Variants in GEMIN5 observed in about 807,000 individuals in gnomAD.
GEMIN5 encodes the protein gem nuclear organelle associated protein 5.
Under a neutral mutation model 176.9 loss-of-function variants are expected in GEMIN5, and 124 were observed. The ratio of observed to expected loss-of-function variants is 0.70; its 90% CI spans 0.61 to 0.81. The LOEUF (loss-of-function observed/expected upper bound fraction) is 0.81. Among genes scored for constraint, GEMIN5 ranks in the 40% least tolerant of loss-of-function variants. The probability of loss-of-function intolerance (pLI) is 0.00; values close to 1 mark genes in which losing one functional copy is unlikely to be tolerated. For missense variants in GEMIN5, 1,843 were observed against 1,814.6 expected (o/e 1.02, Z -0.28); for synonymous variants, 673 against 665.2 (o/e 1.01, Z -0.18).
At chr5:154,921,577 G>C in intron 9 of GEMIN5, 152 bp from the exon 10 acceptor site, 1 of 565,888 alleles carries the variant, frequency 1.8e-6, no homozygotes, top group African/African-American at 2.0e-5. Flanking sequence ...CCAAATAGTT[G>C]ACTGTAAAGC....
At chr5:154,937,234 C>G (rs1764288511) in intron 1 of GEMIN5, 49 bp from the exon 2 acceptor site, 1 of 1,481,262 alleles carries the variant, frequency 6.8e-7, no homozygotes, top group African/African-American at 1.4e-5. Flanking sequence ...ATCCAAGGTT[C>G]CTGGCAGAAT....
At position 154,907,679 on chromosome 5, in the gene GEMIN5, G is replaced by A. The variant is rs780946332; in HGVS notation, c.2307C>T (p.Asn769=). 1.9e-6 allele frequency: 3 copies of A among 1,614,014 alleles called. No homozygotes were observed. Among genetic ancestry groups the A allele is most frequent in the South Asian group, 1.1e-5 (1 of 91,084 alleles). ...DGNEEESMKE[N]SGPVENGVSD... is the part of the protein sequence containing the mutation. ...ACACACCATTCTCAACAGGTCCTGA[G>A]TTCTCCTTCATGCTTTCTTCTTCAT... Residue 769 remains asparagine, a synonymous_variant, in exon 16 of 28, where the codon AAC becomes AAT. Transcript: ENST00000285873.
At position 154,931,464 on chromosome 5, in the gene GEMIN5, C is replaced by T. The variant is rs1270864054; in HGVS notation, c.775G>A (p.Gly259Ser). The change falls in exon 5 of 28, where the codon GGC becomes AGC. Residue 259 changes from glycine (G) to serine (S), a missense_variant. Coordinates refer to ENST00000285873, the MANE Select transcript of GEMIN5 (RefSeq NM_015465.5). ...QTIRIWSCSRGRGVMILKLPF... is the reference protein window; with the variant it reads ...QTIRIWSCSRSRGVMILKLPF... ...AAAGAAAGATCAATCTTACCTCGGC[C>T]TCTAGAACAGCTCCAGATTCGAATG... The T allele has an allele frequency of 2.5e-6, 4 of 1,610,244 alleles. No homozygotes were observed. The highest frequency in any genetic ancestry group is 2.7e-5 in the African/African-American group (2 of 74,974).
rs1387828427 is a variant in GEMIN5, at chr5:154,912,198, T to A, written c.1996-300A>T. ...AATACTGTATGTTAACTTTTGGGCT[T>A]GAGATTCTGGTATCACGAAGAAAAT... is the stretch of plus-strand genomic sequence containing the variant. On this transcript the variant is annotated intron_variant, in intron 14 of 27. Transcript: ENST00000285873. Among the ~76,000 whole-genome samples, 4 of 152,214 alleles carry A rather than the reference T, an allele frequency of 2.6e-5. No individual in the cohort carries two copies. The East Asian group carries it at 5.8e-4, about 22-fold the overall frequency.
rs143445125 is a variant in GEMIN5, at chr5:154,893,900, C to T, written c.3598-1351G>A. On this transcript the variant is annotated intron_variant, in intron 24 of 27. Coordinates refer to ENST00000285873, the MANE Select transcript of GEMIN5 (RefSeq NM_015465.5). ...CTGGGACTACAGGAGCCCGCCACCA[C>T]GCGCGGCTAACACCGATATTATTTG... Among the ~76,000 whole-genome samples the T allele has an allele frequency of 6.4e-3, 978 of 152,214 alleles. 5 individuals carry two copies. Among genetic ancestry groups the T allele is most frequent in the Non-Finnish European group, 7.9e-3 (540 of 68,004 alleles).
intron 20 of GEMIN5, among the ~76,000 whole-genome samples, chr5:154,901,860 C>T (rs950585148): frequency 9.9e-5 from 15 of 151,844 alleles, no homozygotes; most frequent in Non-Finnish European, 1.8e-4. Context: ...AGCGCAGTAG[C>T]ACAATAATGG....
rs761699890 is a variant in GEMIN5 at position 154,911,916 on chromosome 5, T to C, written c.1996-18A>G. ...TCCCACACCTAAACCCAAAAGCACA[T>C]GGCCGAAAAGACATTTTCTGGTTAT... is the stretch of plus-strand genomic sequence containing the variant. On this transcript the variant is annotated intron_variant, in intron 14 of 27. Coordinates refer to ENST00000285873, the MANE Select transcript of GEMIN5 (RefSeq NM_015465.5). 3 of 1,606,378 alleles carry C rather than the reference T, an allele frequency of 1.9e-6. No individual in the cohort carries two copies. The highest frequency in any genetic ancestry group is 1.7e-5 in the Admixed American group (1 of 58,434).
At chr5:154,933,720 AC>A (rs756085230) in intron 3 of GEMIN5, among the ~76,000 whole-genome samples, 11 of 152,174 alleles carry the variant, frequency 7.2e-5, no homozygotes, top group Non-Finnish European at 1.6e-4. Context: ...GAGTATGTCA[AC>A]CTTTGAAGAC....
intron 9 of GEMIN5, 108 bp from the exon 10 acceptor site, chr5:154,921,533 T>TA: frequency 3.1e-6 from 2 of 643,776 alleles, no homozygotes; most frequent in Non-Finnish European, 5.4e-6. Flanking sequence ...TAACTACTAA[T>TA]AATTGGAGAA....
chr5:154,891,055 C>CTTTTTTTTT (rs548747613), intron 26 of GEMIN5, among the ~76,000 whole-genome samples, 186 bp downstream of exon 26: 4 of 93,938 alleles, frequency 4.3e-5, no homozygotes, highest in African/African-American at 1.8e-4. Flanking sequence ...TGTGCCCGGG[C>CTTTTTTTTT]TTTTTTTTTT....
intron 10 of GEMIN5, 71 bp from the exon 11 acceptor site, chr5:154,920,174 G>GGTATGGTCAT: frequency 8.2e-7 from 1 of 1,216,610 alleles, no homozygotes; most frequent in Non-Finnish European, 1.2e-6. Flanking sequence ...GCTATAGTAT[G>GGTATGGTCAT]ACCATACCAT....
chr5:154,902,697 G>C (rs770057359), intron 19 of GEMIN5, 21 bp from the exon 20 acceptor site: 2 of 1,610,574 alleles, frequency 1.2e-6, no homozygotes, highest in African/African-American at 2.7e-5. Context: ...GAGAGATAAT[G>C]TTTGGAAGGT....
chr5:154,897,322 C>T (rs1259815595), intron 23 of GEMIN5, among the ~76,000 whole-genome samples: 1 of 152,180 alleles, frequency 6.6e-6, no homozygotes, highest in Non-Finnish European at 1.5e-5. Flanking sequence ...GTTAGTATCT[C>T]ACAAAGTTAT....
rs190950517 is a variant in GEMIN5 at position 154,889,301 on chromosome 5, T to C, written c.4359+20A>G. 4.1e-3 allele frequency: 5,132 copies of C among 1,254,156 alleles called. 8 individuals carry two copies. The highest frequency in any genetic ancestry group is 6.9e-3 in the Admixed American group (405 of 59,076). 77.7% of individuals were successfully genotyped at this position (1,254,156 alleles called of 1,614,324 possible). A position where few individuals can be genotyped will look rare whatever the true frequency, so the allele number is the denominator to read the frequency against. On this transcript the variant is annotated intron_variant, in intron 27 of 27. Coordinates refer to ENST00000285873, the MANE Select transcript of GEMIN5 (RefSeq NM_015465.5). The stretch of plus-strand genomic sequence containing the variant: ...ACACAAAAAGTGATGCTTTACCAAA[T>C]GAACTGCTTTAACTCTTACCTTAAT...
intron 26 of GEMIN5, among the ~76,000 whole-genome samples, 180 bp downstream of exon 26, chr5:154,891,055 CTTTTTT>C (rs548747613): frequency 1.1e-5 from 1 of 93,936 alleles, no homozygotes; most frequent in Non-Finnish European, 1.9e-5. Context: ...TGTGCCCGGG[CTTTTTT>C]TTTTTTTTTT....
chr5:154,915,967 AT>A (rs1429857422), intron 13 of GEMIN5, among the ~76,000 whole-genome samples: 1 of 152,210 alleles, frequency 6.6e-6, no homozygotes, highest in African/African-American at 2.4e-5. Context: ...GTAAAAAAAA[AT>A]AAATAATTTG....
At chr5:154,904,334 G>T (rs1022068148) in intron 18 of GEMIN5, among the ~76,000 whole-genome samples, 173 bp downstream of exon 18, 2 of 152,162 alleles carry the variant, frequency 1.3e-5, no homozygotes, top group South Asian at 2.1e-4. Flanking sequence ...TGGGGAGTTT[G>T]GCAGCAAGGT....
At chr5:154,930,027 T>G (rs1232769922) in intron 5 of GEMIN5, among the ~76,000 whole-genome samples, 7 of 152,330 alleles carry the variant, frequency 4.6e-5, no homozygotes. Context: ...TTGGCTTCTG[T>G]TTTTAAACTT....
intron 24 of GEMIN5, among the ~76,000 whole-genome samples, chr5:154,893,977 T>G (rs113951006): frequency 6.6e-6 from 1 of 152,086 alleles, no homozygotes; most frequent in African/African-American, 2.4e-5. Flanking sequence ...CAGGGTCTCA[T>G]TCTCTTACCC....
Sources: allele counts gnomAD v4.1 joint callset (sites outside exome capture counted in the v4.1 genomes callset), GRCh38; gene constraint gnomAD v4.1.1; transcripts MANE v1.5; gene names NCBI Gene and HGNC (gene_info 2026-07-23, HGNC 2026-07-21).